The following MACROD2 variants were observed in gnomAD, a reference collection of about 807,000 sequenced individuals.
MACROD2 encodes ADP-ribose glycohydrolase MACROD2.
In MACROD2, 36 loss-of-function variants were observed where a neutral mutation model predicts 70.4. The observed-to-expected ratio is 0.51, with a 90% confidence interval of 0.39 to 0.68. The LOEUF (loss-of-function observed/expected upper bound fraction) is 0.68, where lower values mean the gene tolerates loss of function less well. Ranked by LOEUF, MACROD2 falls within the 30% of genes least tolerant of loss-of-function variation. The pLI, the probability that MACROD2 is intolerant of heterozygous loss-of-function variation, is 0.00. For synonymous variants in MACROD2, 172 were observed against 178.8 expected (o/e 0.96, Z 0.30); for missense variants, 496 against 538.4 (o/e 0.92, Z 0.78).
chr20:16,038,529 G>T (rs1376940395), intron 15 of MACROD2, among the ~76,000 whole-genome samples: 4 of 126,438 alleles, frequency 3.2e-5, no homozygotes, highest in African/African-American at 1.2e-4. Flanking sequence ...TTGTTTTTGT[G>T]GGGTTTTTTT....
At chr20:14,277,214 C>T (rs986220171) in intron 3 of MACROD2, among the ~76,000 whole-genome samples, 1 of 152,020 alleles carries the variant, frequency 6.6e-6, no homozygotes, top group African/African-American at 2.4e-5. Context: ...CTTTGGGAGG[C>T]TGAGGGGGGC....
intron 8 of MACROD2, among the ~76,000 whole-genome samples, chr20:15,739,043 G>A (rs534414976): frequency 5.9e-5 from 9 of 152,200 alleles, no homozygotes; most frequent in South Asian, 4.1e-4. Context: ...TGATAATTTC[G>A]AGCTAGGATA....
At chr20:15,834,286 G>A (rs922882882) in intron 8 of MACROD2, among the ~76,000 whole-genome samples, 3 of 152,184 alleles carry the variant, frequency 2.0e-5, no homozygotes, top group Non-Finnish European at 4.4e-5. Context: ...GTTGCAGTGA[G>A]CTGAGATTGC....
At chr20:15,673,714 A>G (rs755517059) in intron 8 of MACROD2, among the ~76,000 whole-genome samples, 1 of 151,286 alleles carries the variant, frequency 6.6e-6, no homozygotes, top group Non-Finnish European at 1.5e-5. Flanking sequence ...TTTAAGAAAA[A>G]CTTTTGCATG....
chr20:15,609,337 G>A (rs2048935567), intron 8 of MACROD2, among the ~76,000 whole-genome samples: 1 of 152,200 alleles, frequency 6.6e-6, no homozygotes, highest in Non-Finnish European at 1.5e-5. Flanking sequence ...GGCATACGGT[G>A]CATTCATTGT....
chr20:15,682,946 A>G (rs1452723732), intron 8 of MACROD2, among the ~76,000 whole-genome samples: 2 of 151,566 alleles, frequency 1.3e-5, no homozygotes, highest in South Asian at 2.1e-4. Context: ...CCTGTCAGAT[A>G]TCATGCTCTG....
intron 6 of MACROD2, among the ~76,000 whole-genome samples, chr20:15,418,883 C>T (rs1433676229): frequency 6.6e-6 from 1 of 152,142 alleles, no homozygotes; most frequent in Non-Finnish European, 1.5e-5. Flanking sequence ...ACCTGCTTTT[C>T]CTCCTTCTTA....
chr20:15,119,793 T>C (rs2076017550), intron 5 of MACROD2, among the ~76,000 whole-genome samples: 1 of 152,244 alleles, frequency 6.6e-6, no homozygotes, highest in Non-Finnish European at 1.5e-5. Context: ...AGTACTTTTA[T>C]ACAAAGCATA....
chr20:15,967,334 A>G (rs1223153104), intron 12 of MACROD2, among the ~76,000 whole-genome samples: 2 of 152,176 alleles, frequency 1.3e-5, no homozygotes, highest in African/African-American at 2.4e-5. Context: ...CATCCCAGCT[A>G]GCTACATCTC....
chr20:14,973,045 A>T (rs1454614378), intron 5 of MACROD2, among the ~76,000 whole-genome samples: 1 of 152,126 alleles, frequency 6.6e-6, no homozygotes, highest in Non-Finnish European at 1.5e-5. Context: ...CATCCTAGCA[A>T]GCTGTTATTT....
intron 7 of MACROD2, among the ~76,000 whole-genome samples, chr20:15,452,817 T>C (rs916959606): frequency 1.1e-4 from 17 of 152,308 alleles, no homozygotes; most frequent in Non-Finnish European, 2.1e-4. Flanking sequence ...TCTAAGTTTT[T>C]CCATTTCACC....
intron 8 of MACROD2, among the ~76,000 whole-genome samples, chr20:15,805,210 G>A (rs2063758244): frequency 6.6e-6 from 1 of 152,186 alleles, no homozygotes; most frequent in African/African-American, 2.4e-5. Context: ...AGCTGCAGAT[G>A]TTGGGATCTG....
At chr20:14,642,570 C>T (rs1457798031) in intron 4 of MACROD2, among the ~76,000 whole-genome samples, 1 of 152,098 alleles carries the variant, frequency 6.6e-6, no homozygotes, top group Admixed American at 6.6e-5. Context: ...ACTTGAACAA[C>T]TAGAGGCCAT....
At chr20:15,557,396 C>G (rs2048182014) in intron 8 of MACROD2, among the ~76,000 whole-genome samples, 1 of 152,178 alleles carries the variant, frequency 6.6e-6, no homozygotes, top group Non-Finnish European at 1.5e-5. Context: ...AGAATATCTA[C>G]ACTTCAGATG....
At chr20:14,161,663 G>A (rs891434168) in intron 3 of MACROD2, among the ~76,000 whole-genome samples, 24 of 147,054 alleles carry the variant, frequency 1.6e-4, no homozygotes, top group South Asian at 2.3e-4. Context: ...TGCAACTTCC[G>A]CCTCCCAGGT....
At chr20:15,414,095 A>C (rs1281765479) in intron 6 of MACROD2, among the ~76,000 whole-genome samples, 1 of 152,176 alleles carries the variant, frequency 6.6e-6, no homozygotes, top group Non-Finnish European at 1.5e-5. Context: ...TAAGTACAAA[A>C]GACTAAAAGT....
intron 7 of MACROD2, among the ~76,000 whole-genome samples, chr20:15,460,715 G>C (rs1374583471): frequency 1.3e-5 from 2 of 151,838 alleles, no homozygotes; most frequent in Non-Finnish European, 2.9e-5. Flanking sequence ...AATAACTGTG[G>C]TGGTTTCTGT....
At chr20:14,218,417 T>G (rs1311436474) in intron 3 of MACROD2, among the ~76,000 whole-genome samples, 1 of 152,182 alleles carries the variant, frequency 6.6e-6, no homozygotes, top group African/African-American at 2.4e-5. Flanking sequence ...GCTATGTGAG[T>G]CTCCTGAAGG....
rs578055053 is a variant in MACROD2, at chr20:16,047,817, A to C, written c.1301-2013A>C. 3.9e-5 allele frequency among the ~76,000 whole-genome samples: 6 copies of C among 152,344 alleles called. No individual in the cohort carries two copies. In the East Asian group the frequency reaches 1.2e-3, roughly 29 times the overall value. On this transcript the variant is annotated intron_variant, in intron 17 of 17. Transcript: ENST00000684519. The stretch of plus-strand genomic sequence containing the variant: ...ATACAGAGACAGGCCTTATGGCCAC[A>C]GTCTTGCATTTTAATGCCCACCTTG...
Sources: allele counts gnomAD v4.1 joint callset (sites outside exome capture counted in the v4.1 genomes callset), GRCh38; gene constraint gnomAD v4.1.1; transcripts MANE v1.5; gene names NCBI Gene and HGNC (gene_info 2026-07-23, HGNC 2026-07-21).